PNPLA7: variants seen among roughly 807,000 people sequenced by gnomAD.
PNPLA7 encodes the protein patatin-like phospholipase domain-containing protein 7.
PNPLA7 carries 153 observed loss-of-function variants against 161.7 expected under a neutral mutation model. The observed-to-expected ratio is 0.95, with a 90% CI of 0.83 to 1.08. The LOEUF (loss-of-function observed/expected upper bound fraction) is 1.08. PNPLA7 is among the 50% of genes least tolerant of loss of function. PNPLA7 has a pLI of 0.00. For missense variants in PNPLA7, 1,739 were observed against 1,856.6 expected, an observed-to-expected ratio of 0.94 and a Z score of 1.16; for synonymous variants, 809 against 782.1, an observed-to-expected ratio of 1.03 and a Z score of -0.57.
intron 8 of PNPLA7, among the ~76,000 whole-genome samples, chr9:137,536,680 T>C (rs1835907865): frequency 6.6e-6 from 1 of 152,194 alleles, no homozygotes; most frequent in African/African-American, 2.4e-5. Context: ...ATAGTATCCA[T>C]GAAGTCGAAA....
At position 137,500,271 on chromosome 9, in the gene PNPLA7, G is replaced by A. The variant is rs535842953; in HGVS notation, c.1757+420C>T. Among the ~76,000 whole-genome samples, 3 of 152,340 alleles carry A rather than the reference G, an allele frequency of 2.0e-5. No homozygotes were observed. The highest frequency in any genetic ancestry group is 1.3e-4 in the Admixed American group (2 of 15,314). ...CCCACTGCCTTGCCCTTCCACCTCC[G>A]CATCACTGGCTCCCGACACGTCAGC... On this transcript the variant is annotated intron_variant, in intron 16 of 34. Transcript: ENST00000406427. The surrounding 1 kb of genome is among the most constrained non-coding windows in gnomAD (Gnocchi z 5.5).
chr9:137,501,788 CA>C, intron 14 of PNPLA7, 61 bp from the exon 15 acceptor site: 47 of 1,535,898 alleles, frequency 3.1e-5, no homozygotes, highest in Non-Finnish European at 4.0e-5. Flanking sequence ...GTCCAGAGAA[CA>C]GAGGCTGCAC....
chr9:137,527,632 T>C (rs1835369841), intron 8 of PNPLA7, among the ~76,000 whole-genome samples: 1 of 152,230 alleles, frequency 6.6e-6, no homozygotes, highest in Non-Finnish European at 1.5e-5. Context: ...TCCTTTTCCA[T>C]ATACTGCTGG....
chr9:137,460,345 G>GCCTCAGCCTCAGCCTCA lies in PNPLA7; in HGVS notation c.*47_*48insTGAGGCTGAGGCTGAGG. The GCCTCAGCCTCAGCCTCA allele has an allele frequency of 3.2e-6, 5 of 1,563,762 alleles. No individual in the cohort carries two copies. The highest frequency in any genetic ancestry group is 4.4e-6 in the Non-Finnish European group (5 of 1,144,206). Reference sequence around the variant, plus strand: ...GACTTGGCAGGAGCCTCAGCCTTGGGGACAGTCCCACGGAAGACGCTGCAT... The same window carrying GCCTCAGCCTCAGCCTCA: ...GACTTGGCAGGAGCCTCAGCCTTGGGCCTCAGCCTCAGCCTCAGACAGTCCCACGGAAGACGCTGCAT... On this transcript the variant is annotated 3_prime_UTR_variant, in exon 35 of 35. Transcript: ENST00000406427.
At chr9:137,480,832 C>A in intron 22 of PNPLA7, 128 bp downstream of exon 22, 1 of 1,068,778 alleles carries the variant, frequency 9.4e-7, no homozygotes, top group Non-Finnish European at 1.4e-6. Context: ...GTCATCAGCC[C>A]TCACACCACA....
At position 137,484,691 on chromosome 9, in the gene PNPLA7, C is replaced by A. The variant is rs752201376; in HGVS notation, c.2243G>T (p.Gly748Val). Residue 748 changes from glycine (G) to valine (V), a missense_variant, in exon 21 of 35, where the codon GGG becomes GTG. Transcript: ENST00000406427. ...CGTGGACAGGTTGACAGCCGGGTTCCCCAAGTCCCACTTGCTGCCCTCCGT... is the reference window on the plus strand; with the variant it reads ...CGTGGACAGGTTGACAGCCGGGTTCACCAAGTCCCACTTGCTGCCCTCCGT... ...LPTEGSKWDL[G>V]NPAVNLSTVA... is the part of the protein sequence containing the mutation. The A allele has an allele frequency of 1.2e-6, 2 of 1,612,300 alleles. No individual in the cohort carries two copies. Among genetic ancestry groups the A allele is most frequent in the South Asian group, 2.2e-5 (2 of 90,718 alleles).
At chr9:137,485,369 A>T (rs1832425513) in intron 20 of PNPLA7, among the ~76,000 whole-genome samples, 2 of 150,624 alleles carry the variant, frequency 1.3e-5, no homozygotes, top group Non-Finnish European at 1.5e-5. Flanking sequence ...CAAACGCTGC[A>T]GGTGAGGCCT....
intron 14 of PNPLA7, among the ~76,000 whole-genome samples, chr9:137,502,737 C>CGCGGGGGACCCGGGGGAT: frequency 1.6e-5 from 1 of 62,904 alleles, no homozygotes; most frequent in Admixed American, 1.6e-4. Flanking sequence ...ACGGGGGGGA[C>CGCGGGGGACCCGGGGGAT]GAGAGGGATG....
chr9:137,500,786 G>A lies in PNPLA7; in HGVS notation c.1662C>T (p.Gly554=), dbSNP rs372792567. ...LFLTRPGEMV[G]QLAVLTGEPL... is the part of the protein sequence containing the mutation. Reference sequence around the variant, plus strand: ...GCTCCCCGGTGAGCACGGCCAGCTGGCCCACCATCTCCCCGGGGCGCGTGA... The same window carrying A: ...GCTCCCCGGTGAGCACGGCCAGCTGACCCACCATCTCCCCGGGGCGCGTGA... The change falls in exon 16 of 35, where the codon GGC becomes GGT. Residue 554 remains glycine, a synonymous_variant. Coordinates refer to ENST00000406427, the MANE Select transcript of PNPLA7 (RefSeq NM_001098537.3). The surrounding 1 kb of genome is among the most constrained non-coding windows in gnomAD (Gnocchi z 5.5). 13 of 1,611,706 alleles carry A rather than the reference G, an allele frequency of 8.1e-6. No individual in the cohort carries two copies. The highest frequency in any genetic ancestry group is 1.3e-5 in the African/African-American group (1 of 74,916).
In PNPLA7 at chr9:137,461,976, C is replaced by T; in HGVS notation, c.3711G>A (p.Lys1237=). 1 of 1,600,152 alleles carries T rather than the reference C, an allele frequency of 6.2e-7. No individual in the cohort carries two copies. Among genetic ancestry groups the T allele is most frequent in the Admixed American group, 1.7e-5 (1 of 59,064 alleles). The change falls in exon 32 of 35, where the codon AAG becomes AAA. Residue 1237 remains lysine (K), a synonymous_variant. Transcript: ENST00000406427. ...TCGGCCCCTGCTGGTCGCGGAGCAT[C>T]TTCTCCAGCACGCCGCTGCGGCCCC... The part of the protein sequence containing the change: ...DIWGRSGVLE[K]MLRDQQGPSK...
At chr9:137,487,965 A>C (rs1351392398) in intron 20 of PNPLA7, among the ~76,000 whole-genome samples, 1 of 152,266 alleles carries the variant, frequency 6.6e-6, no homozygotes, top group Non-Finnish European at 1.5e-5. Flanking sequence ...ACTCAGGCCC[A>C]GATGATGTGT....
At chr9:137,464,267 A>G (rs558215107) in intron 27 of PNPLA7, 72 bp from the exon 28 acceptor site, 128 of 1,607,370 alleles carry the variant, frequency 8.0e-5, no homozygotes, top group Non-Finnish European at 1.1e-4. Context: ...AGGCTGACCC[A>G]GGGCCAAGAG....
chr9:137,463,222 T>TGCGTGTGCATGTACAC (rs1408645353), intron 29 of PNPLA7, 193 bp downstream of exon 29: 4 of 603,046 alleles, frequency 6.6e-6, no homozygotes, highest in African/African-American at 1.9e-5. Flanking sequence ...TGCCGGTGCC[T>TGCGTGTGCATGTACAC]GCGTGTGCAT....
chr9:137,491,511 A>G lies in PNPLA7; in HGVS notation c.2197+1502T>C, dbSNP rs28562999. The G allele has an allele frequency of 6.3e-3, 6,174 of 983,146 alleles. 247 individuals are homozygous for G. In the African/African-American group the frequency reaches 0.083, roughly 13 times the overall value. 60.9% of individuals were successfully genotyped at this position (983,146 alleles called of 1,614,324 possible). On this transcript the variant is annotated intron_variant, in intron 20 of 34. Transcript: ENST00000406427. ...GGAGAGCGAAGAGTCACATTACGTTACGTGTTAGACAGTGTCCCCCAAAAT... is the reference window on the plus strand; with the variant it reads ...GGAGAGCGAAGAGTCACATTACGTTGCGTGTTAGACAGTGTCCCCCAAAAT...
At position 137,505,598 on chromosome 9, in the gene PNPLA7, C is replaced by T. The variant is rs368569940; in HGVS notation, c.1473+16G>A. 313 of 1,613,098 alleles carry T rather than the reference C, an allele frequency of 1.9e-4. No homozygotes were observed. The highest frequency in any genetic ancestry group is 2.5e-4 in the South Asian group (23 of 91,052). On this transcript the variant is annotated intron_variant, in intron 14 of 34. Transcript: ENST00000406427. ...CTGGGTGGGACAAGGGCCAGGTGCC[C>T]GCCGGGGCCACTCACTTCCAGCTTC...
chr9:137,475,931 T>G (rs1831928508), intron 25 of PNPLA7, among the ~76,000 whole-genome samples: 1 of 152,118 alleles, frequency 6.6e-6, no homozygotes, highest in Non-Finnish European at 1.5e-5. Flanking sequence ...TACTTCCCCA[T>G]GCGTCTTCTC....
At chr9:137,527,929 T>C (rs1344597793) in intron 8 of PNPLA7, among the ~76,000 whole-genome samples, 3 of 152,238 alleles carry the variant, frequency 2.0e-5, no homozygotes, top group African/African-American at 7.2e-5. Context: ...TCGATTTCTT[T>C]AGTAGTAGCC....
chr9:137,505,506 C>T lies in PNPLA7; in HGVS notation c.1473+108G>A, dbSNP rs1833865590. 8 of 1,352,248 alleles carry T rather than the reference C, an allele frequency of 5.9e-6. No individual in the cohort carries two copies. In the African/African-American group the frequency reaches 1.0e-4, roughly 17 times the overall value. The allele number at this position is 1,352,248 out of a possible 1,614,324, so 83.8% of individuals were successfully genotyped here. A position where few individuals can be genotyped will look rare whatever the true frequency, so the allele number is the denominator to read the frequency against. ...GCCTGCACTCCACCCAAAACACCTCCTTTGCAGCCACTGTCCTCCACACCT... is the reference window on the plus strand; with the variant it reads ...GCCTGCACTCCACCCAAAACACCTCTTTTGCAGCCACTGTCCTCCACACCT... On this transcript the variant is annotated intron_variant, in intron 14 of 34. Transcript: ENST00000406427.
In PNPLA7 at chr9:137,497,327, G is replaced by C; in HGVS notation, c.1890-17C>G. The C allele has an allele frequency of 6.5e-7, 1 of 1,536,138 alleles. No homozygotes were observed. The highest frequency in any genetic ancestry group is 8.8e-7 in the Non-Finnish European group (1 of 1,138,554). The stretch of plus-strand genomic sequence containing the variant: ...TCCCCCTGCCTGCGGAAGACACAGA[G>C]GCCCTGCAGCCCTGGGCCCCCAGCC... On this transcript the variant is annotated splice_polypyrimidine_tract_variant and intron_variant, in intron 17 of 34. Transcript: ENST00000406427.
Sources: allele counts gnomAD v4.1 joint callset (sites outside exome capture counted in the v4.1 genomes callset), GRCh38; gene constraint gnomAD v4.1.1; non-coding constraint Gnocchi (gnomAD v3.1); transcripts MANE v1.5; gene names NCBI Gene and HGNC (gene_info 2026-07-23, HGNC 2026-07-21).